The following MCM3AP variants were observed in gnomAD, a reference collection of about 807,000 sequenced individuals.
MCM3AP encodes the protein minichromosome maintenance complex component 3 associated protein.
Under a neutral mutation model 184.1 loss-of-function variants are expected in MCM3AP, and 126 were observed. The observed-to-expected ratio is 0.68, with a 90% CI of 0.59 to 0.79. The LOEUF (loss-of-function observed/expected upper bound fraction) is 0.79, where lower values mean the gene tolerates loss of function less well. Among genes scored for constraint, MCM3AP ranks in the 30% least tolerant of loss-of-function variants. The pLI, the probability that MCM3AP is intolerant of heterozygous loss-of-function variation, is 0.00. For synonymous variants in MCM3AP, 1,002 were observed against 979.3 expected (o/e 1.02, Z -0.43); for missense variants, 2,496 against 2,479.2 (o/e 1.01, Z -0.14).
chr21:46,263,508 G>A (rs1455182660), intron 13 of MCM3AP, among the ~76,000 whole-genome samples: 5 of 151,936 alleles, frequency 3.3e-5, no homozygotes, highest in African/African-American at 2.4e-5. Context: ...TACTGGCCAG[G>A]TGCAGTGGCT....
intron 26 of MCM3AP, among the ~76,000 whole-genome samples, chr21:46,240,160 G>C (rs1295561353): frequency 6.6e-6 from 1 of 152,130 alleles, no homozygotes; most frequent in Non-Finnish European, 1.5e-5. Flanking sequence ...CCTTGGGTAG[G>C]TGGGAGATGA....
At chr21:46,267,358 C>T in intron 9 of MCM3AP, 2 of 552,866 alleles carry the variant, frequency 3.6e-6, no homozygotes, top group Non-Finnish European at 3.2e-6. Context: ...AGCAAACACT[C>T]TCATAGAGAA....
chr21:46,241,593 A>T (rs1203699557), intron 25 of MCM3AP: 1 of 153,572 alleles, frequency 6.5e-6, no homozygotes, highest in East Asian at 1.9e-4. Flanking sequence ...CATGGTTTTA[A>T]GTACTGGAGC....
At chr21:46,274,684 C>T (rs1221778944) in intron 6 of MCM3AP, among the ~76,000 whole-genome samples, 1 of 151,896 alleles carries the variant, frequency 6.6e-6, no homozygotes, top group Non-Finnish European at 1.5e-5. Context: ...GCCTGTAATC[C>T]CAGCACTTTG....
At chr21:46,259,171 G>C (rs2081003160) in intron 15 of MCM3AP, 80 bp from the exon 16 acceptor site, 2 of 1,454,492 alleles carry the variant, frequency 1.4e-6, no homozygotes, top group African/African-American at 2.8e-5. Context: ...AAGTGCAAGA[G>C]TCAGTCAGGC....
At chr21:46,247,806 TAA>T (rs2080801046) in intron 20 of MCM3AP, 4 of 151,942 alleles carry the variant, frequency 2.6e-5, no homozygotes, top group Admixed American at 2.6e-4. Flanking sequence ...TAAACAGGTA[TAA>T]AAAAGTTAAA....
chr21:46,267,003 T>C lies in MCM3AP; in HGVS notation c.2768A>G (p.His923Arg). ...TTACCCGTCGGAAACGGTGAGGCCG[T>C]GGCAGGTGAGGAAGTCGGTGGCCTC... ...CEEATDFLTC[H>R]GLTVSDGCVE... is the part of the protein sequence containing the mutation. The change falls in exon 10 of 28, where the codon CAC becomes CGC. Residue 923 changes from histidine (H) to arginine (R), a missense_variant. Transcript: ENST00000291688. 1.9e-6 allele frequency: 3 copies of C among 1,614,068 alleles called. No homozygotes were observed. Among genetic ancestry groups the C allele is most frequent in the Admixed American group, 1.7e-5 (1 of 60,012 alleles).
chr21:46,276,395 T>G (rs2081255396), intron 5 of MCM3AP, among the ~76,000 whole-genome samples: 1 of 152,220 alleles, frequency 6.6e-6, no homozygotes, highest in Non-Finnish European at 1.5e-5. Flanking sequence ...ACATGGTGAT[T>G]ATTCAAATTA....
intron 15 of MCM3AP, among the ~76,000 whole-genome samples, chr21:46,260,042 C>G (rs1016758712): frequency 6.6e-6 from 1 of 151,864 alleles, no homozygotes; most frequent in African/African-American, 2.4e-5. Flanking sequence ...CGCCACTGCA[C>G]TCCAGTGTGG....
intron 20 of MCM3AP, chr21:46,249,844 C>T (rs570347169): frequency 6.4e-4 from 146 of 228,412 alleles, no homozygotes; most frequent in Non-Finnish European, 9.3e-4. Context: ...GTTTATTTTA[C>T]CGTCTCTGAG....
rs2081038822 is a variant in MCM3AP at position 46,261,352 on chromosome 21, T to C, written c.3395A>G (p.His1132Arg). The C allele has an allele frequency of 1.2e-6, 2 of 1,614,042 alleles. No individual in the cohort carries two copies. Among genetic ancestry groups the C allele is most frequent in the African/African-American group, 2.7e-5 (2 of 74,930 alleles). Residue 1132 changes from histidine to arginine, a missense_variant, in exon 14 of 28, where the codon CAC (histidine) becomes CGC (arginine). Physicochemically the swap from His to Arg is conservative, Grantham distance 29. Coordinates refer to ENST00000291688, the MANE Select transcript of MCM3AP (RefSeq NM_003906.5). ...LTAATTGILRHIAAEEVSKER... is the reference protein window; with the variant it reads ...LTAATTGILRRIAAEEVSKER... The stretch of plus-strand genomic sequence containing the variant: ...CTTAGACACTTCTTCAGCTGCAATG[T>C]GCCTCAAAATGCCCGTGGTTGCAGC...
At chr21:46,265,238 C>A in intron 12 of MCM3AP, 83 bp downstream of exon 12, 1 of 1,326,976 alleles carries the variant, frequency 7.5e-7, no homozygotes, top group Non-Finnish European at 1.1e-6. Context: ...GGCGCCACAG[C>A]CCCACCTCAT....
chr21:46,242,999 A>C lies in MCM3AP; in HGVS notation c.5297-68T>G, dbSNP rs559082331. ...CAACCCTGTCTCAAAAAAAAAAAAA[A>C]CACACACAAAAAAACAAAAACAGGT... On this transcript the variant is annotated intron_variant, in intron 24 of 27. Coordinates refer to ENST00000291688, the MANE Select transcript of MCM3AP (RefSeq NM_003906.5). The C allele has an allele frequency of 0.074, 89,035 of 1,204,984 alleles. 2,573 individuals carry two copies. The highest frequency in any genetic ancestry group is 0.089 in the Non-Finnish European group (79,270 of 886,052). 74.6% of individuals were successfully genotyped at this position (1,204,984 alleles called of 1,614,324 possible). A position where few individuals can be genotyped will look rare whatever the true frequency, so the allele number is the denominator to read the frequency against.
Position 46,260,854 on chromosome 21 carries a change from C to T in MCM3AP, c.3520G>A (p.Val1174Met), listed in dbSNP as rs530408965. ...ATCATCACGCGTTCCATCAGCTCCA[C>T]GGCCAGGCCCTGGCTCAGCTCACTT... ...VLSELSQGLAVELMERVMMEF... is the reference protein window; with the variant it reads ...VLSELSQGLAMELMERVMMEF... Residue 1174 changes from valine (V) to methionine (M), a missense_variant, in exon 15 of 28, where the codon GTG (valine) becomes ATG (methionine). Val to Met is a conservative substitution (Grantham distance 21). This residue lies in a region of MCM3AP where 1,323 missense variants were observed against 1,273.4 expected (regional missense o/e 1.04). Transcript: ENST00000291688. 9 of 1,614,162 alleles carry T rather than the reference C, an allele frequency of 5.6e-6. No homozygotes were observed. Among genetic ancestry groups the T allele is most frequent in the East Asian group, 2.2e-5 (1 of 44,880 alleles).
Position 46,256,783 on chromosome 21 carries a change from G to A in MCM3AP, c.3932+6C>T, listed in dbSNP as rs1355027218. 3 of 1,548,770 alleles carry A rather than the reference G, an allele frequency of 1.9e-6. No individual in the cohort carries two copies. Among genetic ancestry groups the A allele is most frequent in the African/African-American group, 1.4e-5 (1 of 73,270 alleles). ...CCTGACGAGGCAGGCGACAGCTGAT[G>A]CTGACCTGGTGCAGGAGATGCCCAA... On this transcript the variant is annotated splice_donor_region_variant and intron_variant, in intron 17 of 27. Coordinates refer to ENST00000291688, the MANE Select transcript of MCM3AP (RefSeq NM_003906.5).
intron 7 of MCM3AP, among the ~76,000 whole-genome samples, 167 bp from the exon 8 acceptor site, chr21:46,272,996 TG>T (rs2081201165): frequency 6.7e-6 from 1 of 149,970 alleles, no homozygotes; most frequent in Non-Finnish European, 1.5e-5. Flanking sequence ...TCCTGGGGTT[TG>T]TTTTTTTTTT....
intron 17 of MCM3AP, among the ~76,000 whole-genome samples, chr21:46,255,185 C>CT (rs1270449232): frequency 6.6e-6 from 1 of 152,138 alleles, no homozygotes; most frequent in African/African-American, 2.4e-5. Context: ...GTGTTGCAGT[C>CT]TCACTCAGGG....
chr21:46,254,317 A>AC, intron 19 of MCM3AP, 75 bp downstream of exon 19: 1 of 1,546,284 alleles, frequency 6.5e-7, no homozygotes, highest in Non-Finnish European at 8.9e-7. Flanking sequence ...TAAGAGGAAT[A>AC]CCCGGCCCTG....
At chr21:46,265,674 A>C (rs1481829286) in intron 11 of MCM3AP, 151 bp from the exon 12 acceptor site, 1 of 760,308 alleles carries the variant, frequency 1.3e-6, no homozygotes, top group South Asian at 2.0e-5. Flanking sequence ...GTGGGACAAC[A>C]TACGCTTTGC....
Sources: allele counts gnomAD v4.1 joint callset (sites outside exome capture counted in the v4.1 genomes callset), GRCh38; gene constraint gnomAD v4.1.1; regional missense constraint gnomAD v4.1.1; transcripts MANE v1.5; gene names NCBI Gene and HGNC (gene_info 2026-07-23, HGNC 2026-07-21).